EMP1: variants seen among roughly 807,000 people sequenced by gnomAD.
The protein encoded by EMP1 is epithelial membrane protein 1.
EMP1 carries 5 observed loss-of-function variants against 15.7 expected under a neutral mutation model. The ratio of observed to expected loss-of-function variants is 0.32; its 90% confidence interval spans 0.17 to 0.67. The LOEUF is 0.67. Among genes scored for constraint, EMP1 ranks in the 30% least tolerant of loss-of-function variants. The pLI, the probability that EMP1 is intolerant of heterozygous loss-of-function variation, is 0.74. For synonymous variants in EMP1, 78 were observed against 76.7 expected, an observed-to-expected ratio of 1.02 and a Z score of -0.09; for missense variants, 166 against 194.2, an observed-to-expected ratio of 0.85 and a Z score of 0.86.
At chr12:13,197,941 C>G (rs548418583) in intron 1 of EMP1, among the ~76,000 whole-genome samples, 6 of 151,636 alleles carry the variant, frequency 4.0e-5, no homozygotes, top group Non-Finnish European at 8.8e-5. Flanking sequence ...ATGTGGAGGG[C>G]GGGGGAGGCA....
chr12:13,200,648 C>A (rs906714170), intron 1 of EMP1, among the ~76,000 whole-genome samples: 9 of 152,224 alleles, frequency 5.9e-5, no homozygotes, highest in African/African-American at 2.2e-4. Flanking sequence ...ACAATTCAGT[C>A]CCTGGTGTCC....
At position 13,199,943 on chromosome 12, in the gene EMP1, TTTCTTC is replaced by T. The variant is rs760303373; in HGVS notation, c.-43+3089_-43+3094del. ...TTGATGGATCTACATTGCATTATCT[TTTCTTC>T]TTCTTCTTCTTCTTCTTTTTTTTTT... On this transcript the variant is annotated intron_variant, in intron 1 of 4. Coordinates refer to ENST00000256951, the MANE Select transcript of EMP1 (RefSeq NM_001423.3). Among the ~76,000 whole-genome samples, 200 of 149,516 alleles carry T rather than the reference TTTCTTC, an allele frequency of 1.3e-3. 4 individuals are homozygous for T. The highest frequency in any genetic ancestry group is 2.8e-3 in the East Asian group (14 of 5,026).
intron 4 of EMP1, 179 bp downstream of exon 4, chr12:13,214,000 A>C (rs766254422): frequency 6.5e-6 from 6 of 920,722 alleles, no homozygotes; most frequent in Non-Finnish European, 8.6e-6. Context: ...AAGAACCCTC[A>C]TCTGCTTCAT....
chr12:13,214,493 A>G (rs1303786737), intron 4 of EMP1, 41 bp from the exon 5 acceptor site: 3 of 1,595,278 alleles, frequency 1.9e-6, no homozygotes, highest in East Asian at 2.2e-5. Context: ...CTCGACTTTA[A>G]TGTAAGAAAA....
intron 2 of EMP1, among the ~76,000 whole-genome samples, chr12:13,212,088 G>A (rs760041847): frequency 6.6e-6 from 1 of 152,232 alleles, no homozygotes; most frequent in Non-Finnish European, 1.5e-5. Flanking sequence ...TGATTAGAAG[G>A]ATAGATGGGA....
chr12:13,211,471 C>T lies in EMP1; in HGVS notation c.-40C>T. ...TGTCCCTTTCTTTTTCTTTTCAGAA[C>T]TCTCTTTGCTCACAAGTTACCAAAA... On this transcript the variant is annotated splice_region_variant and 5_prime_UTR_variant, in exon 2 of 5. Transcript: ENST00000256951. The surrounding 1 kb of genome is among the most constrained non-coding windows in gnomAD (Gnocchi z 4.7). 1 of 1,599,582 alleles carries T rather than the reference C, an allele frequency of 6.3e-7. No individual in the cohort carries two copies. The highest frequency in any genetic ancestry group is 1.1e-5 in the South Asian group (1 of 87,858).
rs770160792 is a variant in EMP1 at position 13,211,630 on chromosome 12, T to C, written c.78+42T>C. On this transcript the variant is annotated intron_variant, in intron 2 of 4. Transcript: ENST00000256951. The surrounding 1 kb of genome is among the most constrained non-coding windows in gnomAD (Gnocchi z 4.7). ...TGTTCATTCATTCATTGAGAAATCA[T>C]TCGAATATTTACATCAAGTGCACAA... The C allele has an allele frequency of 1.0e-5, 16 of 1,606,110 alleles. No homozygotes were observed. The highest frequency in any genetic ancestry group is 3.4e-5 in the Admixed American group (2 of 59,490).
Position 13,215,388 on chromosome 12 carries a change from T to G in EMP1, c.*697T>G, listed in dbSNP as rs2069086. The stretch of plus-strand genomic sequence containing the variant: ...AGACCTCACACACGGCTGTCCCTCA[T>G]GGAGACCTCATGCCATGGTCTTTGC... On this transcript the variant is annotated 3_prime_UTR_variant, in exon 5 of 5. Coordinates refer to ENST00000256951, the MANE Select transcript of EMP1 (RefSeq NM_001423.3). 0.13 allele frequency: 19,622 copies of G among 152,342 alleles called. 1,504 individuals are homozygous for G. The highest frequency in any genetic ancestry group is 0.2 in the African/African-American group (8,240 of 41,502). The allele number at this position is 152,342 out of a possible 1,614,324, so 9.4% of individuals were successfully genotyped here. A position where few individuals can be genotyped will look rare whatever the true frequency, so the allele number is the denominator to read the frequency against.
intron 1 of EMP1, among the ~76,000 whole-genome samples, chr12:13,207,134 C>A (rs374505096): frequency 6.6e-6 from 1 of 151,968 alleles, no homozygotes; most frequent in Admixed American, 6.6e-5. Context: ...TATTTTGAGA[C>A]GGAGTCTTGC....
chr12:13,212,326 C>T (rs1468062471), intron 2 of EMP1, among the ~76,000 whole-genome samples: 3 of 152,156 alleles, frequency 2.0e-5, no homozygotes, highest in East Asian at 1.9e-4. Context: ...AGAAAAAAGC[C>T]AGCTCCTTGG....
Position 13,214,779 on chromosome 12 carries a change from A to G in EMP1, c.*88A>G, listed in dbSNP as rs1864199208. The G allele has an allele frequency of 4.9e-6, 1 of 203,324 alleles. No individual in the cohort carries two copies. Among genetic ancestry groups the G allele is most frequent in the Non-Finnish European group, 7.7e-6 (1 of 129,170 alleles). 12.6% of individuals were successfully genotyped at this position (203,324 alleles called of 1,614,324 possible). Reference sequence around the variant, plus strand: ...AAGTGGAGGTTGCTGTACAGGAAAAACCGAGATAGGGGAGGGGGGAGGGGG... The same window carrying G: ...AAGTGGAGGTTGCTGTACAGGAAAAGCCGAGATAGGGGAGGGGGGAGGGGG... On this transcript the variant is annotated 3_prime_UTR_variant, in exon 5 of 5. Transcript: ENST00000256951.
chr12:13,197,583 C>T (rs966139566), intron 1 of EMP1, among the ~76,000 whole-genome samples: 2 of 152,010 alleles, frequency 1.3e-5, no homozygotes, highest in African/African-American at 4.8e-5. Context: ...CAAGACAAGC[C>T]TGGCCAACAT....
Position 13,215,121 on chromosome 12 carries a change from C to A in EMP1, c.*430C>A. On this transcript the variant is annotated 3_prime_UTR_variant, in exon 5 of 5. Coordinates refer to ENST00000256951, the MANE Select transcript of EMP1 (RefSeq NM_001423.3). ...TGTCTTTGTGCTGAATACGCTAAGC[C>A]TGGAAGCCATCCTGCCCTTCTGACC... The A allele has an allele frequency of 6.0e-6, 1 of 165,930 alleles. No individual in the cohort carries two copies. The highest frequency in any genetic ancestry group is 1.3e-5 in the Non-Finnish European group (1 of 76,076). 10.3% of individuals were successfully genotyped at this position (165,930 alleles called of 1,614,324 possible). A position where few individuals can be genotyped will look rare whatever the true frequency, so the allele number is the denominator to read the frequency against.
At position 13,214,789 on chromosome 12, in the gene EMP1, G is replaced by T; in HGVS notation, c.*98G>T. 1 of 143,204 alleles carries T rather than the reference G, an allele frequency of 7.0e-6. No individual in the cohort carries two copies. The highest frequency in any genetic ancestry group is 2.3e-4 in the East Asian group (1 of 4,382). 8.9% of individuals were successfully genotyped at this position (143,204 alleles called of 1,614,324 possible). The stretch of plus-strand genomic sequence containing the variant: ...TGCTGTACAGGAAAAACCGAGATAG[G>T]GGAGGGGGGAGGGGGAAGCAAAGGG... On this transcript the variant is annotated 3_prime_UTR_variant, in exon 5 of 5. Transcript: ENST00000256951.
At chr12:13,208,209 T>C (rs2121154627) in intron 1 of EMP1, among the ~76,000 whole-genome samples, 1 of 152,332 alleles carries the variant, frequency 6.6e-6, no homozygotes, top group Non-Finnish European at 1.5e-5. Context: ...TGAAGCAAGA[T>C]TCACAATGGG....
rs777922457 is a variant in EMP1, at chr12:13,213,912, T to G, written c.316+91T>G. On this transcript the variant is annotated intron_variant, in intron 4 of 4. Transcript: ENST00000256951. Reference sequence around the variant, plus strand: ...CAACTTGAACAGATTAGCACATGGTTCAGTGAAACTTCCTTGTGCAATTTT... The same window carrying G: ...CAACTTGAACAGATTAGCACATGGTGCAGTGAAACTTCCTTGTGCAATTTT... 9 of 1,550,568 alleles carry G rather than the reference T, an allele frequency of 5.8e-6. No individual in the cohort carries two copies. The South Asian group carries it at 1.0e-4, about 17-fold the overall frequency.
chr12:13,201,742 G>A (rs941517148), intron 1 of EMP1, among the ~76,000 whole-genome samples: 1 of 152,176 alleles, frequency 6.6e-6, no homozygotes, highest in African/African-American at 2.4e-5. Context: ...AGAGGTTTGA[G>A]TAATTAAACG....
intron 1 of EMP1, among the ~76,000 whole-genome samples, chr12:13,198,502 C>T (rs1489528040): frequency 1.3e-5 from 2 of 152,144 alleles, no homozygotes; most frequent in Non-Finnish European, 2.9e-5. Flanking sequence ...CCAAGGGGGA[C>T]GATTGAGTAG....
chr12:13,203,930 C>T (rs1249214256), intron 1 of EMP1, among the ~76,000 whole-genome samples: 2 of 152,210 alleles, frequency 1.3e-5, no homozygotes, highest in Non-Finnish European at 2.9e-5. Context: ...CACACCTTGG[C>T]TCCTCACCCC....
Sources: allele counts gnomAD v4.1 joint callset (sites outside exome capture counted in the v4.1 genomes callset), GRCh38; gene constraint gnomAD v4.1.1; non-coding constraint Gnocchi (gnomAD v3.1); transcripts MANE v1.5; gene names NCBI Gene and HGNC (gene_info 2026-07-23, HGNC 2026-07-21).